ADGRL3: variants seen among roughly 807,000 people sequenced by gnomAD.
The protein encoded by ADGRL3 is adhesion G protein-coupled receptor L3, also known as calcium-independent alpha-latrotoxin receptor 3.
In ADGRL3, 62 loss-of-function variants were observed where a neutral mutation model predicts 153.5. That is an observed-to-expected ratio of 0.40 (90% CI 0.33 to 0.50). ADGRL3 has a LOEUF of 0.50. Ranked by LOEUF, ADGRL3 falls within the 20% of genes least tolerant of loss-of-function variation. ADGRL3 has a pLI of 0.47. For synonymous variants in ADGRL3, 710 were observed against 672.5 expected (o/e 1.06, Z -0.86); for missense variants, 1,641 against 1,859.4 (o/e 0.88, Z 2.16).
intron 6 of ADGRL3, among the ~76,000 whole-genome samples, chr4:61,716,630 A>G (rs2096122207): frequency 6.6e-6 from 1 of 152,172 alleles, no homozygotes; most frequent in Non-Finnish European, 1.5e-5. Context: ...GACCAATAAT[A>G]TGTATTGTGC....
At chr4:61,691,449 A>G (rs1348544239) in intron 6 of ADGRL3, among the ~76,000 whole-genome samples, 1 of 152,006 alleles carries the variant, frequency 6.6e-6, no homozygotes, top group Non-Finnish European at 1.5e-5. Flanking sequence ...TTCCTTTTTT[A>G]TGGATATTGG....
intron 1 of ADGRL3, among the ~76,000 whole-genome samples, chr4:61,368,943 A>T (rs568215115): frequency 3.9e-5 from 6 of 152,274 alleles, no homozygotes; most frequent in African/African-American, 1.2e-4. Context: ...GAGGTCCTTC[A>T]CATCCCTTGT....
At chr4:61,450,498 G>C (rs1033176138) in intron 2 of ADGRL3, among the ~76,000 whole-genome samples, 4 of 152,098 alleles carry the variant, frequency 2.6e-5, no homozygotes, top group South Asian at 2.1e-4. Flanking sequence ...ATCTTTGCCT[G>C]TTAAGTGGCA....
chr4:61,432,573 C>CTTTCTTT lies in ADGRL3; in HGVS notation c.-174+49384_-174+49385insTTTCTTT, dbSNP rs1560622534. ...TTTATAGATTTCTTTTCTTTCTCTT[C>CTTTCTTT]CTTTCTTTCTTTCTTTCTTTCTTTC... is the stretch of plus-strand genomic sequence containing the variant. On this transcript the variant is annotated intron_variant, in intron 2 of 26. Coordinates refer to ENST00000683033, the MANE Select transcript of ADGRL3 (RefSeq NM_001387552.1). 3.1e-4 allele frequency among the ~76,000 whole-genome samples: 11 copies of CTTTCTTT among 35,864 alleles called. 2 individuals are homozygous for CTTTCTTT. Among genetic ancestry groups the CTTTCTTT allele is most frequent in the African/African-American group, 6.9e-4 (9 of 13,026 alleles). 23.5% of individuals were successfully genotyped at this position (35,864 alleles called of 152,430 possible). A position where few individuals can be genotyped will look rare whatever the true frequency, so the allele number is the denominator to read the frequency against.
intron 8 of ADGRL3, among the ~76,000 whole-genome samples, chr4:61,790,916 A>G (rs529001594): frequency 1.3e-5 from 2 of 152,290 alleles, no homozygotes; most frequent in Admixed American, 6.5e-5. Flanking sequence ...CATGAGACTT[A>G]GTCACTACCA....
chr4:62,014,189 G>A (rs952667206), intron 21 of ADGRL3, among the ~76,000 whole-genome samples: 2 of 152,092 alleles, frequency 1.3e-5, no homozygotes, highest in Non-Finnish European at 2.9e-5. Context: ...TTTTTACACT[G>A]GGGAAATCAT....
At chr4:61,975,203 A>C (rs987876169) in intron 17 of ADGRL3, among the ~76,000 whole-genome samples, 1 of 152,186 alleles carries the variant, frequency 6.6e-6, no homozygotes, top group Non-Finnish European at 1.5e-5. Context: ...CAAGGAAAGC[A>C]ATAGAGAGAG....
At chr4:61,961,935 C>CT (rs1407049986) in intron 17 of ADGRL3, among the ~76,000 whole-genome samples, 1 of 152,082 alleles carries the variant, frequency 6.6e-6, no homozygotes, top group Non-Finnish European at 1.5e-5. Context: ...TCATATACCC[C>CT]TTTTTCTGAA....
At chr4:61,786,868 T>C (rs2097282536) in intron 8 of ADGRL3, among the ~76,000 whole-genome samples, 1 of 152,108 alleles carries the variant, frequency 6.6e-6, no homozygotes, top group Non-Finnish European at 1.5e-5. Flanking sequence ...TCTCATTTTA[T>C]AGTGGCAATA....
chr4:61,352,173 A>T (rs2096064105), intron 1 of ADGRL3, among the ~76,000 whole-genome samples: 1 of 152,210 alleles, frequency 6.6e-6, no homozygotes, highest in Admixed American at 6.5e-5. Context: ...TGGAGGAAGT[A>T]ACTGCAAATG....
chr4:61,520,023 T>C (rs2098520380), intron 4 of ADGRL3, among the ~76,000 whole-genome samples: 1 of 152,142 alleles, frequency 6.6e-6, no homozygotes, highest in African/African-American at 2.4e-5. Context: ...CCTTATTGGC[T>C]TGAAATTAAG....
At chr4:61,838,494 A>G (rs2097971963) in intron 9 of ADGRL3, among the ~76,000 whole-genome samples, 2 of 152,266 alleles carry the variant, frequency 1.3e-5, no homozygotes, top group South Asian at 2.1e-4. Flanking sequence ...TCATTCTTCT[A>G]TTTGTTAGAA....
chr4:61,551,917 C>G (rs28674005), intron 4 of ADGRL3, among the ~76,000 whole-genome samples: 15 of 151,894 alleles, frequency 9.9e-5, no homozygotes, highest in Non-Finnish European at 2.1e-4. Flanking sequence ...TTGTATAAGA[C>G]GCTTGTGTGG....
In ADGRL3 at chr4:62,031,990, CACAT is replaced by C. The variant is rs201380983; in HGVS notation, c.3591+381_3591+384del. Reference sequence around the variant, plus strand: ...ACACACACACACACACACACACACACACATGGATATATATCACAGTATAGGAAAT... The same window carrying C: ...ACACACACACACACACACACACACACGGATATATATCACAGTATAGGAAAT... On this transcript the variant is annotated intron_variant, in intron 23 of 26. Transcript: ENST00000683033. Among the ~76,000 whole-genome samples, 1,163 of 127,864 alleles carry C rather than the reference CACAT, an allele frequency of 9.1e-3. 15 individuals carry two copies. The highest frequency in any genetic ancestry group is 0.024 in the East Asian group (119 of 5,008). The allele number at this position is 127,864 out of a possible 152,430, so 83.9% of individuals were successfully genotyped here. A position where few individuals can be genotyped will look rare whatever the true frequency, so the allele number is the denominator to read the frequency against.
chr4:61,244,573 A>G (rs991336101), intron 1 of ADGRL3, among the ~76,000 whole-genome samples: 1 of 151,948 alleles, frequency 6.6e-6, no homozygotes, highest in African/African-American at 2.4e-5. Context: ...TTGTGCAATG[A>G]TAAACTCATA....
chr4:61,445,369 GA>G (rs1357998773), intron 2 of ADGRL3, among the ~76,000 whole-genome samples: 2 of 152,182 alleles, frequency 1.3e-5, no homozygotes, highest in East Asian at 3.9e-4. Flanking sequence ...TTCCATTTAT[GA>G]TGTTAGAACT....
intron 5 of ADGRL3, among the ~76,000 whole-genome samples, chr4:61,604,163 T>C (rs1302860817): frequency 1.6e-4 from 24 of 152,130 alleles, no homozygotes; most frequent in Admixed American, 1.6e-3. Context: ...GAAAATGGGA[T>C]CAGAATTCTC....
At chr4:61,641,170 C>A (rs577654276) in intron 5 of ADGRL3, among the ~76,000 whole-genome samples, 1 of 152,104 alleles carries the variant, frequency 6.6e-6, no homozygotes. Flanking sequence ...ATAATACCAA[C>A]CTCACACGGC....
intron 3 of ADGRL3, 146 bp from the exon 4 acceptor site, chr4:61,517,169 T>C (rs2098501515): frequency 1.2e-5 from 7 of 607,668 alleles, no homozygotes; most frequent in South Asian, 1.1e-4. Context: ...AGCTGTAGGG[T>C]TGTCTGAGTA....
Sources: allele counts gnomAD v4.1 joint callset (sites outside exome capture counted in the v4.1 genomes callset), GRCh38; gene constraint gnomAD v4.1.1; transcripts MANE v1.5; gene names NCBI Gene and HGNC (gene_info 2026-07-23, HGNC 2026-07-21).